Variants in CDH13 observed in about 807,000 individuals in gnomAD.
CDH13 encodes cadherin-13.
A neutral mutation model predicts 63.8 loss-of-function variants in CDH13; 24 were observed. The observed-to-expected ratio is 0.38, with a 90% CI of 0.27 to 0.53. The LOEUF (loss-of-function observed/expected upper bound fraction) is 0.53. Ranked by LOEUF, CDH13 falls within the 20% of genes least tolerant of loss-of-function variation. The probability of loss-of-function intolerance (pLI) is 0.85; values close to 1 mark genes in which losing one functional copy is unlikely to be tolerated. For missense variants in CDH13, 1,049 were observed against 903.1 expected (o/e 1.16, Z -2.07); for synonymous variants, 503 against 355.3 (o/e 1.42, Z -4.67).
intron 1 of CDH13, among the ~76,000 whole-genome samples, chr16:82,720,920 C>T (rs1246082232): frequency 2.0e-5 from 3 of 152,144 alleles, no homozygotes; most frequent in Non-Finnish European, 4.4e-5. Context: ...TAAATACTAA[C>T]TGAATAAATG....
chr16:82,716,451 T>C (rs147816568), intron 1 of CDH13, among the ~76,000 whole-genome samples: 8 of 151,284 alleles, frequency 5.3e-5, no homozygotes, highest in African/African-American at 1.9e-4. Flanking sequence ...TTTAGATAAG[T>C]CACAAATAGA....
chr16:83,519,699 G>C (rs1361732043), intron 7 of CDH13, among the ~76,000 whole-genome samples: 1 of 152,156 alleles, frequency 6.6e-6, no homozygotes, highest in Non-Finnish European at 1.5e-5. Flanking sequence ...CTAGGCAAGA[G>C]ATAATGAAGG....
intron 2 of CDH13, among the ~76,000 whole-genome samples, chr16:82,968,196 C>T (rs989878053): frequency 2.6e-5 from 4 of 152,078 alleles, no homozygotes; most frequent in African/African-American, 4.8e-5. Context: ...TATTCTTGTG[C>T]GCCAATTGTC....
chr16:83,253,207 A>G (rs894479293), intron 5 of CDH13, among the ~76,000 whole-genome samples: 4 of 152,056 alleles, frequency 2.6e-5, no homozygotes, highest in African/African-American at 9.7e-5. Flanking sequence ...AGATGGATTT[A>G]TTTTTCTATT....
chr16:82,958,711 AC>A (rs1906493884), intron 2 of CDH13, among the ~76,000 whole-genome samples: 1 of 152,210 alleles, frequency 6.6e-6, no homozygotes, highest in African/African-American at 2.4e-5. Flanking sequence ...CCCAGGAGGC[AC>A]CAGCCGCAGG....
chr16:83,449,924 C>T (rs1196905468), intron 6 of CDH13, among the ~76,000 whole-genome samples: 2 of 152,148 alleles, frequency 1.3e-5, no homozygotes, highest in African/African-American at 4.8e-5. Flanking sequence ...TGTTTTTATT[C>T]TGCGAGGAAC....
intron 12 of CDH13, among the ~76,000 whole-genome samples, chr16:83,782,534 G>C (rs951169893): frequency 6.6e-6 from 1 of 152,250 alleles, no homozygotes; most frequent in Admixed American, 6.5e-5. Context: ...TCAGGAGTTT[G>C]AGACCAGCAT....
intron 8 of CDH13, among the ~76,000 whole-genome samples, chr16:83,661,188 A>T (rs1913408808): frequency 6.6e-6 from 1 of 152,110 alleles, no homozygotes; most frequent in Non-Finnish European, 1.5e-5. Context: ...GGACTCCTGT[A>T]CCATCTCAAA....
At chr16:82,968,204 G>T (rs530082253) in intron 2 of CDH13, among the ~76,000 whole-genome samples, 33 of 152,194 alleles carry the variant, frequency 2.2e-4, no homozygotes, top group Non-Finnish European at 4.1e-4. Context: ...TGCGCCAATT[G>T]TCCACCGTTT....
At chr16:83,183,032 C>G (rs1034057016) in intron 4 of CDH13, among the ~76,000 whole-genome samples, 2 of 151,966 alleles carry the variant, frequency 1.3e-5, no homozygotes, top group Non-Finnish European at 2.9e-5. Context: ...CCTGCATTGT[C>G]CACCTGATTA....
chr16:82,692,074 A>G (rs569407344), intron 1 of CDH13, among the ~76,000 whole-genome samples: 2 of 152,372 alleles, frequency 1.3e-5, no homozygotes, highest in East Asian at 3.9e-4. Flanking sequence ...ACAATGAATT[A>G]TCTGTGGCTT....
chr16:83,280,267 T>C (rs976630310), intron 5 of CDH13, among the ~76,000 whole-genome samples: 3 of 152,242 alleles, frequency 2.0e-5, no homozygotes, highest in Non-Finnish European at 4.4e-5. Context: ...TTCTGTAATA[T>C]TCTAAACTCT....
chr16:83,719,483 CTG>C lies in CDH13; in HGVS notation c.1539-28621_1539-28620del, dbSNP rs1909393629. ...GACACAGGATCCGTAGCCTGAATGT[CTG>C]TGTCATGGTCAAGCTCCAGGTCTTT... On this transcript the variant is annotated intron_variant, in intron 10 of 13. Coordinates refer to ENST00000567109, the MANE Select transcript of CDH13 (RefSeq NM_001257.5). 3.9e-5 allele frequency among the ~76,000 whole-genome samples: 6 copies of C among 152,154 alleles called. No homozygotes were observed. In the South Asian group the frequency reaches 1.2e-3, roughly 32 times the overall value.
intron 7 of CDH13, among the ~76,000 whole-genome samples, chr16:83,579,113 C>T (rs1453005574): frequency 6.6e-6 from 1 of 152,144 alleles, no homozygotes; most frequent in East Asian, 1.9e-4. Context: ...GTCATTTGTC[C>T]AGGCCCACAG....
chr16:83,559,889 C>A (rs915814313), intron 7 of CDH13, among the ~76,000 whole-genome samples: 16 of 152,182 alleles, frequency 1.1e-4, no homozygotes, highest in African/African-American at 2.9e-4. Flanking sequence ...TTTCCTAATT[C>A]TTTTATTTTT....
At chr16:82,694,098 C>G (rs761524808) in intron 1 of CDH13, among the ~76,000 whole-genome samples, 4 of 152,192 alleles carry the variant, frequency 2.6e-5, no homozygotes, top group Non-Finnish European at 4.4e-5. Flanking sequence ...GTGCCTGGCA[C>G]TTAGTAGGTA....
At chr16:83,329,586 T>C (rs1162557074) in intron 5 of CDH13, among the ~76,000 whole-genome samples, 2 of 152,138 alleles carry the variant, frequency 1.3e-5, no homozygotes, top group African/African-American at 2.4e-5. Context: ...ATTTTAAGTG[T>C]ATATTTCAGT....
intron 2 of CDH13, among the ~76,000 whole-genome samples, chr16:83,027,089 G>A (rs1215937028): frequency 1.4e-5 from 2 of 146,848 alleles, no homozygotes; most frequent in East Asian, 2.0e-4. Context: ...CTTGCTCACA[G>A]CACAGAAGGG....
At chr16:83,757,603 C>G (rs1444170745) in intron 11 of CDH13, among the ~76,000 whole-genome samples, 1 of 151,924 alleles carries the variant, frequency 6.6e-6, no homozygotes, top group African/African-American at 2.4e-5. Context: ...AATTGAAAAT[C>G]AACAAATCCA....
Sources: gnomAD v4.1 joint callset for allele counts (sites outside exome capture counted in the v4.1 genomes callset) on GRCh38, gnomAD v4.1.1 for gene constraint, MANE v1.5 for transcripts, NCBI Gene and HGNC (gene_info 2026-07-23, HGNC 2026-07-21) for gene names.